Variants in ACOT8 observed in about 807,000 individuals in gnomAD.
ACOT8 encodes the protein acyl-coenzyme A thioesterase 8.
ACOT8 carries 31 observed loss-of-function variants against 38.4 expected under a neutral mutation model. That is an observed-to-expected ratio of 0.81 (90% confidence interval 0.61 to 1.09). The LOEUF (loss-of-function observed/expected upper bound fraction) is 1.09. ACOT8 is among the 50% of genes least tolerant of loss of function. The pLI is 0.00. For synonymous variants in ACOT8, 158 were observed against 170.3 expected (o/e 0.93, Z 0.56); for missense variants, 373 against 421.8 (o/e 0.88, Z 1.01).
intron 2 of ACOT8, chr20:45,853,787 A>T: frequency 1.8e-6 from 1 of 553,966 alleles, no homozygotes; most frequent in Non-Finnish European, 2.9e-6. Context: ...GAGGGGGGCC[A>T]ATCAATACTC....
At position 45,848,561 on chromosome 20, in the gene ACOT8, G is replaced by A. The variant is rs773472958; in HGVS notation, c.377C>T (p.Ala126Val). ...QHGKPIFICQ[A>V]SFQQAQPSPM... Reference sequence around the variant, plus strand: ...GCTGGGCTGGGCCTGCTGGAAGGAGGCCTGGCAGATGAAGATGGGCTTCCC... The same window carrying A: ...GCTGGGCTGGGCCTGCTGGAAGGAGACCTGGCAGATGAAGATGGGCTTCCC... Residue 126 changes from alanine (A) to valine (V), a missense_variant, in exon 3 of 6, where the codon GCC becomes GTC. Transcript: ENST00000217455. 1 of 1,614,126 alleles carries A rather than the reference G, an allele frequency of 6.2e-7. No individual in the cohort carries two copies. The highest frequency in any genetic ancestry group is 2.2e-5 in the East Asian group (1 of 44,872).
intron 2 of ACOT8, chr20:45,853,820 CA>C: frequency 1.1e-6 from 1 of 877,694 alleles, no homozygotes; most frequent in Non-Finnish European, 1.6e-6. Context: ...GAGTAAGAGA[CA>C]CGGGACAGTA....
chr20:45,842,646 T>A, intron 5 of ACOT8: 2 of 991,702 alleles, frequency 2.0e-6, no homozygotes, highest in Non-Finnish European at 2.4e-6. Flanking sequence ...CCCTTACACA[T>A]AGCAGAGCTC....
rs1601094831 is a variant in ACOT8, at chr20:45,848,395, A to G, written c.488+55T>C. 3 of 1,460,678 alleles carry G rather than the reference A, an allele frequency of 2.1e-6. No individual in the cohort carries two copies. The East Asian group carries it at 6.9e-5, about 34-fold the overall frequency. The allele number at this position is 1,460,678 out of a possible 1,614,324, so 90.5% of individuals were successfully genotyped here. A position where few individuals can be genotyped will look rare whatever the true frequency, so the allele number is the denominator to read the frequency against. On this transcript the variant is annotated intron_variant, in intron 3 of 5. Transcript: ENST00000217455. ...CCACTAAAGGATTCTATGACCCACA[A>G]ACAGATAGCAGCTGCATTTTGAAAA...
chr20:45,842,494 A>T (rs1984290654), intron 5 of ACOT8: 1 of 1,018,956 alleles, frequency 9.8e-7, no homozygotes, highest in South Asian at 4.0e-5. Context: ...TATCCCCACT[A>T]CCACCACCAA....
chr20:45,843,100 AGAATCTTGAGGGTG>A, intron 5 of ACOT8: 1 of 1,092,476 alleles, frequency 9.2e-7, no homozygotes, highest in Non-Finnish European at 1.2e-6. Context: ...CTACTGAGTG[AGAATCTTGAGGGTG>A]GAATCAGAAT....
Position 45,844,595 on chromosome 20 carries a change from G to A in ACOT8, c.489-175C>T, listed in dbSNP as rs184466832. Among the ~76,000 whole-genome samples the A allele has an allele frequency of 8.5e-4, 129 of 152,168 alleles. 3 individuals carry two copies. In the East Asian group the frequency reaches 0.016, roughly 19 times the overall value. On this transcript the variant is annotated intron_variant, in intron 3 of 5. Coordinates refer to ENST00000217455, the MANE Select transcript of ACOT8 (RefSeq NM_005469.4). ...TTTGAATCCCTTCTTGGCCACTTAC[G>A]AGCCATGTGGTCTCGTGCTAATTAG...
At position 45,841,932 on chromosome 20, in the gene ACOT8, C is replaced by T. The variant is rs138553906; in HGVS notation, c.866G>A (p.Gly289Glu). The T allele has an allele frequency of 1.2e-5, 19 of 1,613,232 alleles. No homozygotes were observed. In the African/African-American group the frequency reaches 1.9e-4, roughly 16 times the overall value. Residue 289 changes from glycine (G) to glutamate (E), a missense_variant, in exon 6 of 6, where the codon GGG (glycine) becomes GAG (glutamate). Coordinates refer to ENST00000217455, the MANE Select transcript of ACOT8 (RefSeq NM_005469.4). ...WAGGSRGLVH[G>E]RLWRQDGVLA... Reference sequence around the variant, plus strand: ...GACTCCATCCTGACGCCACAGCCGCCCATGGACCAGCCCCCGAGAGCCACC... The same window carrying T: ...GACTCCATCCTGACGCCACAGCCGCTCATGGACCAGCCCCCGAGAGCCACC...
rs1196106065 is a variant in ACOT8 at position 45,855,252 on chromosome 20, C to A, written c.169G>T (p.Gly57Cys). 3.1e-6 allele frequency: 5 copies of A among 1,614,036 alleles called. No homozygotes were observed. Among genetic ancestry groups the A allele is most frequent in the Non-Finnish European group, 4.2e-6 (5 of 1,180,034 alleles). The change falls in exon 2 of 6, where the codon GGT becomes TGT. Residue 57 changes from glycine to cysteine, a missense_variant. Transcript: ENST00000217455. ...YWVPAKRLFG[G>C]QIVGQALVAA... ...ACCAGGGCCTGGCCCACGATCTGACCACCAAACAGCCTCTTGGCCGGTACC... is the reference window on the plus strand; with the variant it reads ...ACCAGGGCCTGGCCCACGATCTGACAACCAAACAGCCTCTTGGCCGGTACC...
At position 45,853,806 on chromosome 20, in the gene ACOT8, T is replaced by A; in HGVS notation, c.262+1353A>T. On this transcript the variant is annotated intron_variant, in intron 2 of 5. Coordinates refer to ENST00000217455, the MANE Select transcript of ACOT8 (RefSeq NM_005469.4). ...GGGGCCAATCAATACTCCTCAGGGATGAGGAGTAAGAGACACGGGACAGTA... is the reference window on the plus strand; with the variant it reads ...GGGGCCAATCAATACTCCTCAGGGAAGAGGAGTAAGAGACACGGGACAGTA... The A allele has an allele frequency of 1.4e-5, 10 of 728,490 alleles. No homozygotes were observed. The South Asian group carries it at 1.5e-4, about 11-fold the overall frequency. The allele number at this position is 728,490 out of a possible 1,614,324, so 45.1% of individuals were successfully genotyped here.
intron 5 of ACOT8, chr20:45,843,026 A>C (rs766057088): frequency 3.6e-6 from 4 of 1,111,522 alleles, no homozygotes; most frequent in Non-Finnish European, 4.4e-6. Flanking sequence ...CCCCGATCCC[A>C]ATCAGGTTAA....
chr20:45,849,121 CCTTG>C (rs1271529214), intron 2 of ACOT8: 1 of 154,996 alleles, frequency 6.5e-6, no homozygotes, highest in East Asian at 1.9e-4. Flanking sequence ...AATTAATACT[CCTTG>C]CTTCTATCTT....
At chr20:45,849,187 T>A (rs565061482) in intron 2 of ACOT8, 1 of 152,796 alleles carries the variant, frequency 6.5e-6, no homozygotes, top group South Asian at 2.1e-4. Context: ...TTATTCTAGA[T>A]CAGGGAGCAG....
chr20:45,845,052 G>A (rs557869115), intron 3 of ACOT8, among the ~76,000 whole-genome samples: 5 of 152,264 alleles, frequency 3.3e-5, no homozygotes, highest in East Asian at 1.9e-4. Context: ...GAGTAGCTGG[G>A]ACTAGAGGTG....
chr20:45,846,369 CTTATT>C (rs1984685184), intron 3 of ACOT8, among the ~76,000 whole-genome samples: 1 of 149,406 alleles, frequency 6.7e-6, no homozygotes, highest in African/African-American at 2.6e-5. Flanking sequence ...CCTTTTCTCT[CTTATT>C]TAATCCTCAC....
At chr20:45,855,714 C>T (rs1436070307) in intron 1 of ACOT8, among the ~76,000 whole-genome samples, 1 of 152,156 alleles carries the variant, frequency 6.6e-6, no homozygotes, top group Non-Finnish European at 1.5e-5. Flanking sequence ...GATCGCACCA[C>T]TGCACTCCAG....
intron 5 of ACOT8, 157 bp from the exon 6 acceptor site, chr20:45,842,113 T>A: frequency 1.3e-6 from 2 of 1,534,440 alleles, no homozygotes; most frequent in Middle Eastern, 4.3e-4. Flanking sequence ...GCAGCTGGGA[T>A]TACAGGCGCA....
Position 45,850,248 on chromosome 20 carries a change from C to CA in ACOT8, c.263-1574dup, listed in dbSNP as rs146555590. On this transcript the variant is annotated intron_variant, in intron 2 of 5. Coordinates refer to ENST00000217455, the MANE Select transcript of ACOT8 (RefSeq NM_005469.4). Reference sequence around the variant, plus strand: ...GGGGAACAAGAGTGAAACTCTGTCTCAAAAAAGAGTGGGACATCCTATGTG... The same window carrying CA: ...GGGGAACAAGAGTGAAACTCTGTCTCAAAAAAAGAGTGGGACATCCTATGTG... Among the ~76,000 whole-genome samples, 529 of 152,156 alleles carry CA rather than the reference C, an allele frequency of 3.5e-3. 4 individuals are homozygous for CA. The highest frequency in any genetic ancestry group is 0.012 in the African/African-American group (509 of 41,532).
intron 5 of ACOT8, chr20:45,842,815 A>C: frequency 4.0e-6 from 4 of 991,210 alleles, no homozygotes; most frequent in African/African-American, 3.5e-5. Flanking sequence ...TTGTGATGCT[A>C]TTGGTACTTG....
Sources: gnomAD v4.1 joint callset for allele counts (sites outside exome capture counted in the v4.1 genomes callset) on GRCh38, gnomAD v4.1.1 for gene constraint, MANE v1.5 for transcripts, NCBI Gene and HGNC (gene_info 2026-07-23, HGNC 2026-07-21) for gene names.